The following OPRM1 variants were observed in gnomAD, a reference collection of about 807,000 sequenced individuals.
OPRM1 encodes the protein mu-type opioid receptor.
A neutral mutation model predicts 31.8 loss-of-function variants in OPRM1; 27 were observed. The observed-to-expected ratio is 0.85, with a 90% CI of 0.63 to 1.17. The LOEUF (loss-of-function observed/expected upper bound fraction) is 1.17. Ranked by LOEUF, OPRM1 falls within the 50% of genes most tolerant of loss-of-function variation. The probability of loss-of-function intolerance (pLI) is 0.00; values close to 1 mark genes in which losing one functional copy is unlikely to be tolerated. For missense variants in OPRM1, 536 were observed against 511.1 expected (o/e 1.05, Z -0.47); for synonymous variants, 196 against 189.9 (o/e 1.03, Z -0.26).
chr6:154,090,040 A>C lies in OPRM1; in HGVS notation c.505A>C (p.Ile169Leu). 6.2e-7 allele frequency: 1 copy of C among 1,614,018 alleles called. No individual in the cohort carries two copies. The highest frequency in any genetic ancestry group is 8.5e-7 in the Non-Finnish European group (1 of 1,179,912). ...TLCTMSVDRYIAVCHPVKALD... is the reference protein window; with the variant it reads ...TLCTMSVDRYLAVCHPVKALD... ...CTGCACCATGAGTGTTGATCGATAC[A>C]TTGCAGTCTGCCACCCTGTCAAGGC... The change falls in exon 2 of 4, where the codon ATT (isoleucine) becomes CTT (leucine). Residue 169 changes from isoleucine to leucine, a missense_variant. Coordinates refer to ENST00000330432, the MANE Select transcript of OPRM1 (RefSeq NM_000914.5).
chr6:154,136,497 T>C (rs1473767584), downstream of OPRM1, among the ~76,000 whole-genome samples: 1 of 152,162 alleles, frequency 6.6e-6, no homozygotes, highest in Non-Finnish European at 1.5e-5. Flanking sequence ...ATCTAAGTGA[T>C]TCTGTAGACT....
rs1159118686 is a variant in OPRM1 at position 154,039,425 on chromosome 6, T to G, written c.-120T>G. On this transcript the variant is annotated 5_prime_UTR_variant, in exon 1 of 4. Transcript: ENST00000330432. ...CTCTGTCTCAGCCAGGACTGGTTTC[T>G]GTAAGAAACAGCAGGAGCTGTGGCA... 6.4e-7 allele frequency: 1 copy of G among 1,551,212 alleles called. No homozygotes were observed.
intron 3 of OPRM1, among the ~76,000 whole-genome samples, chr6:154,216,498 T>C (rs1232382579): frequency 6.6e-6 from 1 of 152,224 alleles, no homozygotes; most frequent in African/African-American, 2.4e-5. Context: ...TGATCCACTG[T>C]ACTTCAAAAA....
At chr6:154,146,290 C>T (rs1364135480) in intron 3 of OPRM1, among the ~76,000 whole-genome samples, 4 of 152,228 alleles carry the variant, frequency 2.6e-5, no homozygotes, top group Non-Finnish European at 5.9e-5. Flanking sequence ...ATCTCAGCTA[C>T]TCAGGACGCT....
At chr6:154,155,220 C>T (rs1260024109) in intron 3 of OPRM1, 1 of 152,162 alleles carries the variant, frequency 6.6e-6, no homozygotes, top group African/African-American at 2.4e-5. Context: ...TATCCCCCTT[C>T]CACAGTCCAT....
At chr6:154,074,640 G>A (rs757099114) in intron 1 of OPRM1, among the ~76,000 whole-genome samples, 31 of 151,948 alleles carry the variant, frequency 2.0e-4, no homozygotes, top group Non-Finnish European at 2.1e-4. Flanking sequence ...CACTCCTGTA[G>A]TCCCAGCTAC....
chr6:154,152,330 A>AGGAAG (rs373911988), intron 3 of OPRM1, among the ~76,000 whole-genome samples: 7 of 44,938 alleles, frequency 1.6e-4, no homozygotes, highest in South Asian at 2.0e-3. Flanking sequence ...AAAGAAAGAA[A>AGGAAG]GAAAGAAAGA....
At chr6:154,103,499 T>C (rs2128506702) in intron 3 of OPRM1, among the ~76,000 whole-genome samples, 1 of 152,322 alleles carries the variant, frequency 6.6e-6, no homozygotes, top group South Asian at 2.1e-4. Flanking sequence ...CTTACTAATT[T>C]CTGTAATACT....
Position 154,119,024 on chromosome 6 carries a change from T to G in OPRM1, c.*303T>G. 1 of 1,119,754 alleles carries G rather than the reference T, an allele frequency of 8.9e-7. No individual in the cohort carries two copies. The allele number at this position is 1,119,754 out of a possible 1,614,324, so 69.4% of individuals were successfully genotyped here. On this transcript the variant is annotated 3_prime_UTR_variant, in exon 4 of 4. Coordinates refer to ENST00000330432, the MANE Select transcript of OPRM1 (RefSeq NM_000914.5). ...AAGTCATCATAAAAGGTGACCCTTC[T>G]GTCTGTAAGATTTTATTTTCAAGCA...
intron 1 of OPRM1, among the ~76,000 whole-genome samples, chr6:154,047,293 G>A (rs1465067317): frequency 6.6e-6 from 1 of 151,746 alleles, no homozygotes; most frequent in Admixed American, 6.6e-5. Context: ...AAAAGGTCCT[G>A]CTGTTTTGTG....
intron 1 of OPRM1, among the ~76,000 whole-genome samples, chr6:154,076,546 G>A (rs1248882361): frequency 1.3e-5 from 2 of 152,034 alleles, no homozygotes; most frequent in African/African-American, 2.4e-5. Context: ...GGCTAGACAC[G>A]GTGGCTCACG....
At chr6:154,228,587 G>C (rs527238345) in intron 3 of OPRM1, among the ~76,000 whole-genome samples, 1 of 152,126 alleles carries the variant, frequency 6.6e-6, no homozygotes, top group Admixed American at 6.5e-5. Flanking sequence ...GGAGTGTCAC[G>C]TACAGTTGCT....
intron 1 of OPRM1, among the ~76,000 whole-genome samples, chr6:154,058,881 G>A (rs1783854987): frequency 1.3e-5 from 2 of 152,016 alleles, no homozygotes; most frequent in Admixed American, 1.3e-4. Flanking sequence ...ATTACAGACA[G>A]GAAAAATAGA....
intron 1 of OPRM1, among the ~76,000 whole-genome samples, chr6:154,065,803 A>G (rs559896643): frequency 1.3e-5 from 2 of 152,140 alleles, no homozygotes. Flanking sequence ...CTCTCATGCT[A>G]CATAGAACAG....
At chr6:154,182,440 CAACT>C (rs1024081929) in intron 3 of OPRM1, among the ~76,000 whole-genome samples, 1 of 152,102 alleles carries the variant, frequency 6.6e-6, no homozygotes, top group African/African-American at 2.4e-5. Context: ...CTCCATTGCT[CAACT>C]ATCTGATTAA....
chr6:154,162,431 A>G (rs1017374178), intron 3 of OPRM1, among the ~76,000 whole-genome samples: 2 of 152,220 alleles, frequency 1.3e-5, no homozygotes, highest in African/African-American at 4.8e-5. Context: ...GAAGACCATC[A>G]GTGACCTCCA....
intron 3 of OPRM1, among the ~76,000 whole-genome samples, chr6:154,142,754 C>T (rs1207037782): frequency 1.3e-5 from 2 of 152,148 alleles, no homozygotes; most frequent in Admixed American, 6.5e-5. Flanking sequence ...GCCCCTCAGT[C>T]GAATTCTTTC....
chr6:154,167,808 C>T (rs1044207594), intron 3 of OPRM1: 4 of 748,430 alleles, frequency 5.3e-6, no homozygotes, highest in African/African-American at 5.2e-5. Context: ...ACTTTTACAG[C>T]CCTTCCCTGC....
rs192926037 is a variant in OPRM1 at position 154,032,437 on chromosome 6, T to G, written c.1-6724T>G. 2.4e-3 allele frequency among the ~76,000 whole-genome samples: 368 copies of G among 152,294 alleles called. 1 individual carries two copies. The highest frequency in any genetic ancestry group is 6.9e-3 in the African/African-American group (287 of 41,558). On this transcript the variant is annotated intron_variant, in intron 1 of 5. Coordinates refer to the OPRM1 transcript ENST00000434900. ...AATGGGGCATAAGAATTTATACTTC[T>G]TTTAAAATTGTTTTTAGAGACAGGA...
Sources: gnomAD v4.1 joint callset for allele counts (sites outside exome capture counted in the v4.1 genomes callset) on GRCh38, gnomAD v4.1.1 for gene constraint, MANE v1.5 for transcripts, NCBI Gene and HGNC (gene_info 2026-07-23, HGNC 2026-07-21) for gene names.